Variants in CNTN5 observed in about 807,000 individuals in gnomAD.
The protein encoded by CNTN5 is contactin-5.
A neutral mutation model predicts 129.1 loss-of-function variants in CNTN5; 77 were observed. The ratio of observed to expected loss-of-function variants is 0.60; its 90% CI spans 0.50 to 0.72. The LOEUF (loss-of-function observed/expected upper bound fraction) is 0.72, where lower values mean the gene tolerates loss of function less well. Among genes scored for constraint, CNTN5 ranks in the 30% least tolerant of loss-of-function variants. CNTN5 has a pLI of 0.00. For missense variants in CNTN5, 1,478 were observed against 1,328.8 expected, an observed-to-expected ratio of 1.11 and a Z score of -1.75; for synonymous variants, 509 against 465.6, an observed-to-expected ratio of 1.09 and a Z score of -1.20.
chr11:99,276,177 A>G (rs973338864), intron 1 of CNTN5, among the ~76,000 whole-genome samples: 1 of 151,696 alleles, frequency 6.6e-6, no homozygotes, highest in Non-Finnish European at 1.5e-5. Context: ...TGAGTGATAC[A>G]GGTATAAGAT....
At chr11:99,380,081 C>CTGTGTG (rs10671165) in intron 2 of CNTN5, among the ~76,000 whole-genome samples, 10,478 of 148,200 alleles carry the variant, frequency 0.071, 520 homozygotes, top group African/African-American at 0.14. Flanking sequence ...AATGGTGTGT[C>CTGTGTG]TGTGTGTGTG....
At chr11:99,571,662 G>C (rs892339423) in intron 3 of CNTN5, among the ~76,000 whole-genome samples, 1 of 152,104 alleles carries the variant, frequency 6.6e-6, no homozygotes, top group Non-Finnish European at 1.5e-5. Context: ...ATGAGTAAAA[G>C]ATGCAGAAGG....
At chr11:100,334,641 G>A (rs1951989629) in intron 21 of CNTN5, among the ~76,000 whole-genome samples, 1 of 152,126 alleles carries the variant, frequency 6.6e-6, no homozygotes, top group African/African-American at 2.4e-5. Flanking sequence ...CAACCTGGGT[G>A]GAAATGGAGA....
At chr11:99,296,808 C>T (rs964267663) in intron 1 of CNTN5, among the ~76,000 whole-genome samples, 7 of 152,066 alleles carry the variant, frequency 4.6e-5, no homozygotes, top group African/African-American at 1.7e-4. Context: ...TCTTATTACC[C>T]GATTTTAGCC....
chr11:99,364,320 A>G (rs1200099338), intron 2 of CNTN5, among the ~76,000 whole-genome samples: 2 of 152,088 alleles, frequency 1.3e-5, no homozygotes, highest in Admixed American at 6.6e-5. Context: ...TTTTCACTCA[A>G]ATACTCAAGT....
intron 1 of CNTN5, among the ~76,000 whole-genome samples, chr11:99,262,706 TA>T (rs994719374): frequency 6.6e-6 from 1 of 151,952 alleles, no homozygotes; most frequent in African/African-American, 2.4e-5. Context: ...TTATGTTATG[TA>T]AAAACTTGTT....
At chr11:99,807,496 T>A (rs1946309172) in intron 3 of CNTN5, among the ~76,000 whole-genome samples, 1 of 152,066 alleles carries the variant, frequency 6.6e-6, no homozygotes, top group Non-Finnish European at 1.5e-5. Context: ...TGTAACAGAG[T>A]TACATAATTA....
intron 7 of CNTN5, among the ~76,000 whole-genome samples, chr11:99,917,053 A>C (rs1258762957): frequency 6.6e-6 from 1 of 152,140 alleles, no homozygotes; most frequent in Non-Finnish European, 1.5e-5. Context: ...TTTTTTTAAT[A>C]ACAAAATGGC....
chr11:99,632,913 T>C (rs1951416590), intron 3 of CNTN5, among the ~76,000 whole-genome samples: 1 of 152,118 alleles, frequency 6.6e-6, no homozygotes, highest in African/African-American at 2.4e-5. Flanking sequence ...ACAAAAATAG[T>C]CATCTTTGAG....
In CNTN5 at chr11:100,002,063, G is replaced by T; in HGVS notation, c.907G>T (p.Glu303Ter). ...GVMGEYEPKI[E>*]VHFPFTVTAA... Reference sequence around the variant, plus strand: ...GATGGGAGAATATGAGCCGAAAATTGAGGTCCATTTTCCTTTCACGGTTAC... The same window carrying T: ...GATGGGAGAATATGAGCCGAAAATTTAGGTCCATTTTCCTTTCACGGTTAC... Residue 303 changes from glutamate (E) to a stop codon, truncating the protein, a stop_gained, in exon 9 of 25, where the codon GAG (glutamate) becomes TAG (stop). Coordinates refer to ENST00000524871, the MANE Select transcript of CNTN5 (RefSeq NM_014361.4). LOFTEE classifies it high-confidence loss of function. 5 of 1,598,292 alleles carry T rather than the reference G, an allele frequency of 3.1e-6. No individual in the cohort carries two copies. Among genetic ancestry groups the T allele is most frequent in the South Asian group, 2.3e-5 (2 of 87,562 alleles).
chr11:99,038,433 A>T (rs1448446862), intron 1 of CNTN5, among the ~76,000 whole-genome samples: 4 of 152,156 alleles, frequency 2.6e-5, no homozygotes, highest in African/African-American at 9.7e-5. Context: ...TTGTGTTGGT[A>T]AAGATCAGTA....
chr11:100,254,365 A>G (rs1201367690), intron 16 of CNTN5, among the ~76,000 whole-genome samples: 1 of 152,156 alleles, frequency 6.6e-6, no homozygotes, highest in Non-Finnish European at 1.5e-5. Flanking sequence ...ACCTTCCAAA[A>G]TGAGTTCTCT....
At chr11:99,739,980 A>G (rs1943837504) in intron 3 of CNTN5, among the ~76,000 whole-genome samples, 1 of 152,124 alleles carries the variant, frequency 6.6e-6, no homozygotes, top group Non-Finnish European at 1.5e-5. Context: ...GGCAAGTGCT[A>G]TTTCCCCTAC....
At chr11:99,326,135 C>T (rs946731074) in intron 2 of CNTN5, among the ~76,000 whole-genome samples, 4 of 152,172 alleles carry the variant, frequency 2.6e-5, no homozygotes, top group Admixed American at 6.5e-5. Context: ...AAAATGAATA[C>T]TCTAAAATAC....
At chr11:99,776,699 C>G (rs1004056813) in intron 3 of CNTN5, among the ~76,000 whole-genome samples, 5 of 151,406 alleles carry the variant, frequency 3.3e-5, no homozygotes, top group African/African-American at 1.2e-4. Flanking sequence ...CAGCAGTGCT[C>G]TCTACGGGAC....
Position 99,326,719 on chromosome 11 carries a change from A to G in CNTN5, c.-71+1235A>G, listed in dbSNP as rs534547346. Among the ~76,000 whole-genome samples, 98 of 152,288 alleles carry G rather than the reference A, an allele frequency of 6.4e-4. 1 individual carries two copies. Among genetic ancestry groups the G allele is most frequent in the African/African-American group, 2.2e-3 (92 of 41,570 alleles). ...GTATCTCTAAATTAATCTTGTGAAG[A>G]AAAGCAACCACATAAAAGAAAAAAA... On this transcript the variant is annotated intron_variant, in intron 2 of 24. Transcript: ENST00000524871.
At chr11:99,214,206 G>T (rs1859991986) in intron 1 of CNTN5, among the ~76,000 whole-genome samples, 1 of 151,872 alleles carries the variant, frequency 6.6e-6, no homozygotes, top group African/African-American at 2.4e-5. Flanking sequence ...TGAAGAAGGG[G>T]AAATGGTAGT....
chr11:99,318,090 A>G (rs76451523), intron 1 of CNTN5, among the ~76,000 whole-genome samples: 14,743 of 152,212 alleles, frequency 0.097, 721 homozygotes, highest in South Asian at 0.13. Flanking sequence ...AAGATTTTTA[A>G]ACAGCATAAA....
chr11:99,052,378 T>C (rs1864463288), intron 1 of CNTN5, among the ~76,000 whole-genome samples: 1 of 151,854 alleles, frequency 6.6e-6, no homozygotes, highest in South Asian at 2.1e-4. Context: ...GCTATTTTTA[T>C]TGTGCTTTTT....
Sources: allele counts gnomAD v4.1 joint callset (sites outside exome capture counted in the v4.1 genomes callset), GRCh38; gene constraint gnomAD v4.1.1; transcripts MANE v1.5; gene names NCBI Gene and HGNC (gene_info 2026-07-23, HGNC 2026-07-21).